AUH: variants seen among roughly 807,000 people sequenced by gnomAD.
The protein encoded by AUH is AU RNA binding methylglutaconyl-CoA hydratase.
Under a neutral mutation model 42.3 loss-of-function variants are expected in AUH, and 29 were observed. The ratio of observed to expected loss-of-function variants is 0.69; its 90% CI spans 0.51 to 0.93. The LOEUF (loss-of-function observed/expected upper bound fraction) is 0.93. AUH is among the 40% of genes least tolerant of loss of function. The probability of loss-of-function intolerance (pLI) is 0.00; values close to 1 mark genes in which losing one functional copy is unlikely to be tolerated. For synonymous variants in AUH, 174 were observed against 166.4 expected, an observed-to-expected ratio of 1.05 and a Z score of -0.35; for missense variants, 452 against 438.1, an observed-to-expected ratio of 1.03 and a Z score of -0.28.
At chr9:91,313,582 G>A (rs1279605819) in intron 4 of AUH, among the ~76,000 whole-genome samples, 1 of 151,800 alleles carries the variant, frequency 6.6e-6, no homozygotes, top group African/African-American at 2.4e-5. Context: ...GCGGGCGCCT[G>A]TAGTCCCAGC....
In AUH at chr9:91,214,422, T is replaced by A. The variant is rs1587606452; in HGVS notation, c.946A>T (p.Ile316Phe). The A allele has an allele frequency of 6.2e-7, 1 of 1,605,704 alleles. No individual in the cohort carries two copies. The highest frequency in any genetic ancestry group is 8.5e-7 in the Non-Finnish European group (1 of 1,175,386). The change falls in exon 10 of 10, where the codon ATT becomes TTT. Residue 316 changes from isoleucine to phenylalanine, a missense_variant. Physicochemically the swap from Ile to Phe is conservative, Grantham distance 21. Coordinates refer to ENST00000375731, the MANE Select transcript of AUH (RefSeq NM_001698.3). ...CCTTCAAGTCTGTCTTTTGTTGGAA[T>A]GGTCTAAGAAAAACAAAATATTAAA... Reference protein sequence around the residue: ...AIEEACYAQTIPTKDRLEGLL... With the variant: ...AIEEACYAQTFPTKDRLEGLL...
chr9:91,359,531 A>G (rs1832688754), intron 1 of AUH, among the ~76,000 whole-genome samples: 1 of 152,076 alleles, frequency 6.6e-6, no homozygotes, highest in African/African-American at 2.4e-5. Context: ...GCTCCATCAT[A>G]GCTCACTGCA....
intron 4 of AUH, among the ~76,000 whole-genome samples, chr9:91,301,973 G>A (rs1490467539): frequency 3.3e-5 from 5 of 152,198 alleles, no homozygotes; most frequent in East Asian, 3.9e-4. Flanking sequence ...AGCTTAATTC[G>A]TATTCAATGG....
At chr9:91,296,174 TAATTA>T in intron 5 of AUH, 97 bp from the exon 6 acceptor site, 1 of 1,208,008 alleles carries the variant, frequency 8.3e-7, no homozygotes, top group African/African-American at 1.5e-5. Flanking sequence ...TATTGTTTAC[TAATTA>T]AATTGATATC....
intron 6 of AUH, among the ~76,000 whole-genome samples, chr9:91,240,213 A>T (rs1012785264): frequency 1.3e-5 from 2 of 152,224 alleles, no homozygotes; most frequent in Non-Finnish European, 2.9e-5. Flanking sequence ...TCCTTTCAAA[A>T]TCTTTTATTT....
intron 3 of AUH, among the ~76,000 whole-genome samples, chr9:91,341,143 C>T (rs1011172477): frequency 6.6e-6 from 1 of 152,200 alleles, no homozygotes; most frequent in Non-Finnish European, 1.5e-5. Flanking sequence ...GAGCTGAATT[C>T]CACTCCCCTG....
At chr9:91,350,758 C>CAA (rs145346338) in intron 3 of AUH, among the ~76,000 whole-genome samples, 15 of 125,126 alleles carry the variant, frequency 1.2e-4, no homozygotes, top group Non-Finnish European at 2.1e-4. Context: ...GATTTCATCT[C>CAA]AAAAAAAAAA....
chr9:91,224,446 G>A (rs1827319085), intron 6 of AUH, among the ~76,000 whole-genome samples: 1 of 152,128 alleles, frequency 6.6e-6, no homozygotes, highest in Admixed American at 6.5e-5. Flanking sequence ...ATGCATAAAA[G>A]TCTTTAATTT....
At position 91,346,874 on chromosome 9, in the gene AUH, A is replaced by C. The variant is rs562890663; in HGVS notation, c.418+9009T>G. On this transcript the variant is annotated intron_variant, in intron 3 of 9. Coordinates refer to ENST00000375731, the MANE Select transcript of AUH (RefSeq NM_001698.3). ...GACTCAGAATTTAAAAAAAAAAAAA[A>C]AACACTTTATTTACTATATGCAACT... 7.2e-5 allele frequency among the ~76,000 whole-genome samples: 11 copies of C among 152,262 alleles called. No homozygotes were observed. The South Asian group carries it at 1.5e-3, about 20-fold the overall frequency.
At chr9:91,357,167 A>C (rs1832478158) in intron 1 of AUH, among the ~76,000 whole-genome samples, 1 of 152,218 alleles carries the variant, frequency 6.6e-6, no homozygotes, top group Non-Finnish European at 1.5e-5. Flanking sequence ...CAGCTGAATG[A>C]CTTTGGGTAG....
chr9:91,293,870 G>C (rs1416913495), intron 6 of AUH, among the ~76,000 whole-genome samples: 1 of 152,210 alleles, frequency 6.6e-6, no homozygotes, highest in Admixed American at 6.5e-5. Flanking sequence ...AAGCTTCAAA[G>C]GACAGACTGA....
chr9:91,312,619 A>G (rs1260263489), intron 4 of AUH, among the ~76,000 whole-genome samples: 1 of 152,214 alleles, frequency 6.6e-6, no homozygotes, highest in Non-Finnish European at 1.5e-5. Flanking sequence ...CTAACTACTC[A>G]AGAGGCTGTG....
chr9:91,293,118 C>T (rs1372177857), intron 6 of AUH, among the ~76,000 whole-genome samples: 1 of 152,168 alleles, frequency 6.6e-6, no homozygotes, highest in Non-Finnish European at 1.5e-5. Flanking sequence ...ACGGGCTGTT[C>T]CCCCATCTCT....
chr9:91,251,331 G>A (rs1829115014), intron 6 of AUH, among the ~76,000 whole-genome samples: 2 of 152,152 alleles, frequency 1.3e-5, no homozygotes, highest in Non-Finnish European at 2.9e-5. Context: ...TCTTTCTCCA[G>A]TAAAGAAGTT....
chr9:91,314,151 AG>A (rs1427699554), intron 4 of AUH, among the ~76,000 whole-genome samples: 2 of 152,124 alleles, frequency 1.3e-5, no homozygotes, highest in Non-Finnish European at 2.9e-5. Flanking sequence ...GACATGCAAA[AG>A]GATTTTTCTC....
chr9:91,278,659 C>T (rs1825733193), intron 6 of AUH, among the ~76,000 whole-genome samples: 1 of 152,168 alleles, frequency 6.6e-6, no homozygotes, highest in Non-Finnish European at 1.5e-5. Context: ...AAAAATAATG[C>T]AACTGAAGAA....
Position 91,213,903 on chromosome 9 carries a change from T to C in AUH, c.*445A>G, listed in dbSNP as rs1003492238. 1 of 160,798 alleles carries C rather than the reference T, an allele frequency of 6.2e-6. No homozygotes were observed. The highest frequency in any genetic ancestry group is 1.4e-5 in the Non-Finnish European group (1 of 72,672). The allele number at this position is 160,798 out of a possible 1,614,324, so 10.0% of individuals were successfully genotyped here. On this transcript the variant is annotated 3_prime_UTR_variant, in exon 10 of 10. Transcript: ENST00000375731. ...CATTTTTCAGGTTTAGATATATGTATATGTAGCTGTTCGTATGCATTAATC... is the reference window on the plus strand; with the variant it reads ...CATTTTTCAGGTTTAGATATATGTACATGTAGCTGTTCGTATGCATTAATC...
chr9:91,314,505 A>C (rs1436587563), intron 4 of AUH, among the ~76,000 whole-genome samples: 2 of 151,348 alleles, frequency 1.3e-5, no homozygotes, highest in East Asian at 3.9e-4. Context: ...AAAAAAAAAA[A>C]ACACCTTAAA....
chr9:91,361,708 G>A lies in AUH; in HGVS notation c.182C>T (p.Pro61Leu). The A allele has an allele frequency of 6.4e-7, 1 of 1,555,178 alleles. No homozygotes were observed. Among genetic ancestry groups the A allele is most frequent in the Non-Finnish European group, 8.7e-7 (1 of 1,149,870 alleles). The stretch of plus-strand genomic sequence containing the variant: ...AGAGCTGTAGCCCCTTTTCGGGGCG[G>A]GACCCCCGGCCGCAGGTACCCAGCC... The part of the protein sequence containing the change: ...AQGWVPAAGG[P>L]APKRGYSSEM... Residue 61 changes from proline (P) to leucine (L), a missense_variant, in exon 1 of 10, where the codon CCC becomes CTC. Transcript: ENST00000375731.
Sources: gnomAD v4.1 joint callset for allele counts (sites outside exome capture counted in the v4.1 genomes callset) on GRCh38, gnomAD v4.1.1 for gene constraint, MANE v1.5 for transcripts, NCBI Gene and HGNC (gene_info 2026-07-23, HGNC 2026-07-21) for gene names.